Variants in SAMD12 observed in about 807,000 individuals in gnomAD.
The protein encoded by SAMD12 is sterile alpha motif domain-containing protein 12.
A neutral mutation model predicts 15.0 loss-of-function variants in SAMD12; 9 were observed. The observed-to-expected ratio is 0.60, with a 90% CI of 0.36 to 1.05. The LOEUF (loss-of-function observed/expected upper bound fraction) is 1.05, where lower values mean the gene tolerates loss of function less well. Ranked by LOEUF, SAMD12 falls within the 50% of genes least tolerant of loss-of-function variation. SAMD12 has a pLI of 0.01. For synonymous variants in SAMD12, 86 were observed against 90.1 expected, an observed-to-expected ratio of 0.96 and a Z score of 0.25; for missense variants, 230 against 234.2, an observed-to-expected ratio of 0.98 and a Z score of 0.12.
chr8:118,286,543 T>A (rs1436886415), intron 4 of SAMD12, among the ~76,000 whole-genome samples: 1 of 142,912 alleles, frequency 7.0e-6, no homozygotes, highest in Non-Finnish European at 1.5e-5. Context: ...CTTAGCCTAT[T>A]GAGATGAGAA....
intron 4 of SAMD12, among the ~76,000 whole-genome samples, chr8:118,324,495 ATATT>A (rs1187614173): frequency 2.0e-5 from 3 of 152,336 alleles, no homozygotes; most frequent in Admixed American, 2.0e-4. Context: ...AATTCAATAA[ATATT>A]TATTGAGTAC....
At chr8:118,553,050 G>A (rs1826397486) in intron 2 of SAMD12, among the ~76,000 whole-genome samples, 1 of 151,992 alleles carries the variant, frequency 6.6e-6, no homozygotes, top group Admixed American at 6.6e-5. Flanking sequence ...ACAAATGGAA[G>A]AACATTCCAT....
At chr8:118,253,078 G>A (rs1812856408) in intron 4 of SAMD12, among the ~76,000 whole-genome samples, 2 of 152,192 alleles carry the variant, frequency 1.3e-5, no homozygotes, top group Admixed American at 6.5e-5. Flanking sequence ...GTAGGAGAAT[G>A]TCTCAGCCAA....
At chr8:118,264,052 T>G (rs10955868) in intron 4 of SAMD12, among the ~76,000 whole-genome samples, 54,790 of 151,910 alleles carry the variant, frequency 0.36, 11,445 homozygotes, top group African/African-American at 0.57. Context: ...AAGCTTTAGG[T>G]TTATTTTTGG....
chr8:118,321,833 G>C (rs564838604), intron 4 of SAMD12, among the ~76,000 whole-genome samples: 3 of 152,084 alleles, frequency 2.0e-5, no homozygotes, highest in South Asian at 2.1e-4. Flanking sequence ...TGTAAAATGA[G>C]GATGATAATA....
intron 4 of SAMD12, among the ~76,000 whole-genome samples, chr8:118,282,905 T>C (rs1173029358): frequency 5.3e-5 from 8 of 152,120 alleles, no homozygotes; most frequent in Non-Finnish European, 1.0e-4. Context: ...TTTTATTTTA[T>C]TCCTTTAATT....
intron 3 of SAMD12, among the ~76,000 whole-genome samples, chr8:118,405,943 A>G (rs1305252252): frequency 2.6e-5 from 4 of 152,162 alleles, no homozygotes; most frequent in Non-Finnish European, 2.9e-5. Context: ...CAAGAAAAAT[A>G]TTGTTTACTT....
At position 118,379,393 on chromosome 8, in the gene SAMD12, A is replaced by G. The variant is rs936340926; in HGVS notation, c.*24T>C. On this transcript the variant is annotated 3_prime_UTR_variant, in exon 4 of 4. Transcript: ENST00000314727. Reference sequence around the variant, plus strand: ...ATCCTTCTCCCTAGTGAGCTATGAAAAAAGTTTTCAAAGGGAAGTAATCTT... The same window carrying G: ...ATCCTTCTCCCTAGTGAGCTATGAAGAAAGTTTTCAAAGGGAAGTAATCTT... The G allele has an allele frequency of 1.2e-6, 2 of 1,606,988 alleles. No individual in the cohort carries two copies. Among genetic ancestry groups the G allele is most frequent in the African/African-American group, 2.7e-5 (2 of 74,708 alleles).
chr8:118,557,506 T>C (rs1266433209), intron 2 of SAMD12, among the ~76,000 whole-genome samples: 1 of 152,184 alleles, frequency 6.6e-6, no homozygotes, highest in African/African-American at 2.4e-5. Context: ...AAAGAGCATC[T>C]GAAATGAGTC....
chr8:118,432,869 GACA>G (rs1478773899), intron 3 of SAMD12, among the ~76,000 whole-genome samples: 2 of 151,956 alleles, frequency 1.3e-5, no homozygotes. Context: ...CACCACCACT[GACA>G]ACAACCACCA....
intron 1 of SAMD12, among the ~76,000 whole-genome samples, chr8:118,588,176 C>T (rs1827498631): frequency 6.6e-6 from 1 of 152,148 alleles, no homozygotes; most frequent in African/African-American, 2.4e-5. Flanking sequence ...TTCATGAAAA[C>T]TTTTGCATCA....
intron 2 of SAMD12, among the ~76,000 whole-genome samples, chr8:118,541,398 T>C (rs1742380462): frequency 2.0e-5 from 3 of 152,200 alleles, no homozygotes; most frequent in Admixed American, 1.3e-4. Context: ...TGGGCATCAG[T>C]TGACTTACAC....
intron 2 of SAMD12, among the ~76,000 whole-genome samples, chr8:118,448,917 A>C (rs1162590878): frequency 6.6e-6 from 1 of 152,210 alleles, no homozygotes; most frequent in African/African-American, 2.4e-5. Context: ...TGGTTTAACT[A>C]AAGTACTTTA....
chr8:118,455,141 A>G (rs1324912353), intron 2 of SAMD12, among the ~76,000 whole-genome samples: 1 of 152,110 alleles, frequency 6.6e-6, no homozygotes, highest in Non-Finnish European at 1.5e-5. Flanking sequence ...CCACTGAGAC[A>G]CGCAGGTTGC....
chr8:118,318,641 A>G (rs917498623), intron 4 of SAMD12, among the ~76,000 whole-genome samples: 6 of 152,054 alleles, frequency 3.9e-5, no homozygotes, highest in Non-Finnish European at 7.4e-5. Flanking sequence ...TGGGTGCATT[A>G]AAGTCTCAGA....
chr8:118,612,687 T>C (rs995630154), intron 1 of SAMD12, among the ~76,000 whole-genome samples: 1 of 152,244 alleles, frequency 6.6e-6, no homozygotes, highest in African/African-American at 2.4e-5. Flanking sequence ...ACATACTCAC[T>C]ATATGACTTG....
intron 2 of SAMD12, among the ~76,000 whole-genome samples, chr8:118,442,937 C>T (rs2130896131): frequency 6.6e-6 from 1 of 152,330 alleles, no homozygotes; most frequent in East Asian, 1.9e-4. Context: ...AGGGAGGACG[C>T]TCAGCCTCAG....
At chr8:118,547,319 C>G (rs1826159898) in intron 2 of SAMD12, among the ~76,000 whole-genome samples, 2 of 152,200 alleles carry the variant, frequency 1.3e-5, no homozygotes, top group Admixed American at 1.3e-4. Context: ...TTGGCCAAAT[C>G]AAGAATGACT....
At chr8:118,146,929 A>T in the SAMD12 span, among the ~76,000 whole-genome samples, 1 of 152,232 alleles carries the variant, frequency 6.6e-6, no homozygotes, top group African/African-American at 2.4e-5. Context: ...GACAGTAATG[A>T]TGGCTAAACT....
Sources: allele counts gnomAD v4.1 joint callset (sites outside exome capture counted in the v4.1 genomes callset), GRCh38; gene constraint gnomAD v4.1.1; transcripts MANE v1.5; gene names NCBI Gene and HGNC (gene_info 2026-07-23, HGNC 2026-07-21).